The following OPCML variants were observed in gnomAD, a reference collection of about 807,000 sequenced individuals.
OPCML encodes opioid binding protein/cell adhesion molecule like, also known as opioid-binding protein/cell adhesion molecule.
OPCML carries 13 observed loss-of-function variants against 37.8 expected under a neutral mutation model. The ratio of observed to expected loss-of-function variants is 0.34; its 90% CI spans 0.22 to 0.55. The LOEUF (loss-of-function observed/expected upper bound fraction) is 0.55. OPCML is among the 20% of genes least tolerant of loss of function. The pLI is 0.91. For synonymous variants in OPCML, 176 were observed against 168.8 expected (o/e 1.04, Z -0.33); for missense variants, 341 against 435.6 (o/e 0.78, Z 1.93).
chr11:133,317,696 C>T (rs1943238507), intron 1 of OPCML, among the ~76,000 whole-genome samples: 1 of 152,164 alleles, frequency 6.6e-6, no homozygotes, highest in African/African-American at 2.4e-5. Flanking sequence ...TGACCTCGCT[C>T]CACCATGTAA....
intron 1 of OPCML, among the ~76,000 whole-genome samples, chr11:133,027,794 G>T (rs12364107): frequency 6.5e-3 from 1 of 154 alleles, no homozygotes; most frequent in Admixed American, 0.028. Context: ...TATGTGGTGT[G>T]TGTGTGTGTG....
At chr11:133,300,386 G>A (rs2136563883) in intron 1 of OPCML, 1 of 152,196 alleles carries the variant, frequency 6.6e-6, no homozygotes, top group Admixed American at 6.5e-5. Context: ...AAACATCCTT[G>A]CTTAGCCCCT....
intron 1 of OPCML, among the ~76,000 whole-genome samples, chr11:132,982,024 A>G (rs535124259): frequency 6.6e-6 from 1 of 152,164 alleles, no homozygotes; most frequent in Non-Finnish European, 1.5e-5. Context: ...ACTCTTTCCA[A>G]TGCATAATGT....
chr11:133,380,006 G>A (rs537595214), intron 1 of OPCML, among the ~76,000 whole-genome samples: 11 of 152,252 alleles, frequency 7.2e-5, no homozygotes, highest in South Asian at 2.1e-4. Context: ...ATGCATCTGC[G>A]TTTCCTCAAC....
At chr11:132,972,289 G>A (rs1472030919) in intron 1 of OPCML, among the ~76,000 whole-genome samples, 1 of 152,142 alleles carries the variant, frequency 6.6e-6, no homozygotes, top group Non-Finnish European at 1.5e-5. Flanking sequence ...CCCTCTTGAT[G>A]ACTGGGCAAG....
rs951925073 is a variant in OPCML, at chr11:132,416,482, A to G, written c.*3711T>C. On this transcript the variant is annotated 3_prime_UTR_variant, in exon 8 of 8. Transcript: ENST00000524381. ...TCATGGAATAGTTCTTTCAGCATAA[A>G]TAGAACTTGCTGACTTCTCTTTGTT... 3.9e-5 allele frequency: 6 copies of G among 152,198 alleles called. No homozygotes were observed. Among genetic ancestry groups the G allele is most frequent in the South Asian group, 2.1e-4 (1 of 4,830 alleles). The allele number at this position is 152,198 out of a possible 1,614,324, so 9.4% of individuals were successfully genotyped here.
intron 2 of OPCML, among the ~76,000 whole-genome samples, chr11:132,908,321 C>T (rs1944313801): frequency 6.6e-6 from 1 of 152,222 alleles, no homozygotes; most frequent in African/African-American, 2.4e-5. Context: ...CACGTGCACA[C>T]ATAGGTACAC....
chr11:133,491,738 C>T lies in OPCML; in HGVS notation c.61+40526G>A, dbSNP rs999740245. ...CAGAACCCCTTTTCTGGCCACAGGT[C>T]CTTGGAGAGAGAGTCGCTTCCAGCA... On this transcript the variant is annotated intron_variant, in intron 1 of 7. Coordinates refer to ENST00000524381, the MANE Select transcript of OPCML (RefSeq NM_001012393.5). 2.0e-5 allele frequency among the ~76,000 whole-genome samples: 3 copies of T among 152,116 alleles called. No individual in the cohort carries two copies. The South Asian group carries it at 6.2e-4, about 32-fold the overall frequency.
intron 7 of OPCML, among the ~76,000 whole-genome samples, chr11:132,426,521 C>T (rs2095978182): frequency 6.6e-6 from 1 of 152,102 alleles, no homozygotes; most frequent in Non-Finnish European, 1.5e-5. Context: ...CTGAATCTGC[C>T]TTTCAGGTTC....
intron 1 of OPCML, among the ~76,000 whole-genome samples, chr11:133,047,367 C>T (rs903264830): frequency 2.0e-5 from 3 of 152,144 alleles, no homozygotes; most frequent in East Asian, 3.9e-4. Flanking sequence ...GGTGTAGCCG[C>T]GATTGCATTA....
intron 2 of OPCML, among the ~76,000 whole-genome samples, chr11:132,798,642 G>T (rs1272224558): frequency 2.0e-5 from 3 of 152,188 alleles, no homozygotes; most frequent in African/African-American, 7.2e-5. Context: ...AGTTGGAATA[G>T]ACTTCCAAGC....
In OPCML at chr11:133,015,379, GGAAGGAAGGAAGGAAT is replaced by G. The variant is rs1565398701; in HGVS notation, c.62-72385_62-72370del. Among the ~76,000 whole-genome samples the G allele has an allele frequency of 9.4e-3, 823 of 87,848 alleles. 27 individuals are homozygous for G. Among genetic ancestry groups the G allele is most frequent in the African/African-American group, 0.039 (775 of 19,948 alleles). The allele number at this position is 87,848 out of a possible 152,430, so 57.6% of individuals were successfully genotyped here. On this transcript the variant is annotated intron_variant, in intron 1 of 7. Coordinates refer to ENST00000524381, the MANE Select transcript of OPCML (RefSeq NM_001012393.5). ...AGGAAGGAAGGGAGGAATGAAGGAA[GGAAGGAAGGAAGGAAT>G]GAAGGAAGGAAGGAAGGAAGGAAGG...
chr11:132,736,517 C>T (rs1945266062), intron 2 of OPCML, among the ~76,000 whole-genome samples: 1 of 152,186 alleles, frequency 6.6e-6, no homozygotes, highest in Non-Finnish European at 1.5e-5. Flanking sequence ...CTACAGAACC[C>T]TTCCACACTG....
intron 1 of OPCML, among the ~76,000 whole-genome samples, chr11:133,515,394 G>A (rs184618694): frequency 6.6e-6 from 1 of 152,222 alleles, no homozygotes; most frequent in Non-Finnish European, 1.5e-5. Context: ...GGTGCCACTG[G>A]CATCTGGTGG....
At chr11:132,834,002 T>C (rs192106028) in intron 2 of OPCML, among the ~76,000 whole-genome samples, 200 of 152,374 alleles carry the variant, frequency 1.3e-3, no homozygotes, top group Non-Finnish European at 1.3e-3. Context: ...TCTTGACCTA[T>C]GGGTGCCCTT....
intron 1 of OPCML, chr11:133,025,531 A>T (rs769652383): frequency 3.0e-5 from 28 of 928,298 alleles, no homozygotes; most frequent in Non-Finnish European, 3.0e-5. Context: ...GGTTGAAAGC[A>T]AAGCTGAAAA....
chr11:133,287,233 G>T (rs915399171), intron 1 of OPCML, among the ~76,000 whole-genome samples: 9 of 144,370 alleles, frequency 6.2e-5, no homozygotes, highest in South Asian at 2.3e-4. Flanking sequence ...TTAACCAAAT[G>T]TATTCAAAAT....
intron 1 of OPCML, among the ~76,000 whole-genome samples, chr11:133,223,062 C>A (rs1215586686): frequency 6.6e-6 from 1 of 152,206 alleles, no homozygotes; most frequent in Non-Finnish European, 1.5e-5. Context: ...GCAGCCCTCA[C>A]CCCAACCAGT....
intron 1 of OPCML, among the ~76,000 whole-genome samples, chr11:133,441,370 G>A (rs193064615): frequency 7.9e-5 from 12 of 152,136 alleles, no homozygotes; most frequent in Admixed American, 2.6e-4. Context: ...ACATGGAACC[G>A]AATTTGAGAA....
Sources: allele counts gnomAD v4.1 joint callset (sites outside exome capture counted in the v4.1 genomes callset), GRCh38; gene constraint gnomAD v4.1.1; transcripts MANE v1.5; gene names NCBI Gene and HGNC (gene_info 2026-07-23, HGNC 2026-07-21).